RASSF3: variants seen among roughly 807,000 people sequenced by gnomAD.
RASSF3 encodes the protein Ras association domain family member 3, also known as ras association domain-containing protein 3.
In RASSF3, 19 loss-of-function variants were observed where a neutral mutation model predicts 19.9. The ratio of observed to expected loss-of-function variants is 0.96; its 90% CI spans 0.67 to 1.40. The LOEUF is 1.40. Ranked by LOEUF, RASSF3 falls within the 40% of genes most tolerant of loss-of-function variation. The pLI is 0.00. For synonymous variants in RASSF3, 110 were observed against 104.2 expected, an observed-to-expected ratio of 1.06 and a Z score of -0.34; for missense variants, 306 against 289.8, an observed-to-expected ratio of 1.06 and a Z score of -0.41.
At chr12:64,571,537 T>TA (rs1432076153) in intron 2 of RASSF3, among the ~76,000 whole-genome samples, 1 of 152,186 alleles carries the variant, frequency 6.6e-6, no homozygotes, top group East Asian at 1.9e-4. Flanking sequence ...TCAGCACACA[T>TA]AAGCTTCCTG....
At chr12:64,510,178 C>T (rs1868320451) in intron 1 of RASSF3, among the ~76,000 whole-genome samples, 1 of 152,076 alleles carries the variant, frequency 6.6e-6, no homozygotes, top group African/African-American at 2.4e-5. Flanking sequence ...ATATCCCCTC[C>T]AGAGCAAGAA....
chr12:64,636,594 G>A (rs1397662725), intron 1 of RASSF3, among the ~76,000 whole-genome samples: 2 of 151,966 alleles, frequency 1.3e-5, no homozygotes, highest in Non-Finnish European at 2.9e-5. Flanking sequence ...AGCCGGGCGC[G>A]GTGGCTCACG....
intron 2 of RASSF3, among the ~76,000 whole-genome samples, chr12:64,583,975 T>C (rs1040995254): frequency 6.6e-6 from 1 of 152,240 alleles, no homozygotes; most frequent in African/African-American, 2.4e-5. Flanking sequence ...GCACAGCTCT[T>C]ACCCAGAAAT....
At chr12:64,517,828 A>G (rs1868394619) in intron 1 of RASSF3, among the ~76,000 whole-genome samples, 1 of 152,072 alleles carries the variant, frequency 6.6e-6, no homozygotes, top group Non-Finnish European at 1.5e-5. Context: ...TATGTTGCCC[A>G]GGCTGGTCTT....
intron 1 of RASSF3, among the ~76,000 whole-genome samples, chr12:64,653,222 A>G (rs1452277841): frequency 1.3e-5 from 2 of 152,114 alleles, no homozygotes; most frequent in Admixed American, 1.3e-4. Context: ...GGCATGTGCC[A>G]CCAGGCCTTG....
chr12:64,529,247 T>G (rs996885565), upstream of RASSF3, among the ~76,000 whole-genome samples: 3 of 152,194 alleles, frequency 2.0e-5, no homozygotes, highest in Non-Finnish European at 4.4e-5. Flanking sequence ...TTTCCAAAAG[T>G]CAAGTCTTCA....
chr12:64,573,950 T>C (rs956872824), intron 2 of RASSF3, among the ~76,000 whole-genome samples: 28 of 152,192 alleles, frequency 1.8e-4, no homozygotes, highest in African/African-American at 6.0e-4. Flanking sequence ...AAAATCAATC[T>C]ATGTAATGTG....
At chr12:64,579,844 C>T (rs527380393) in intron 2 of RASSF3, among the ~76,000 whole-genome samples, 2 of 143,310 alleles carry the variant, frequency 1.4e-5, no homozygotes, top group South Asian at 2.2e-4. Flanking sequence ...GAGTATCGCT[C>T]TGTTGCCCAG....
intron 1 of RASSF3, among the ~76,000 whole-genome samples, chr12:64,670,718 C>A (rs922264917): frequency 1.6e-4 from 24 of 152,144 alleles, no homozygotes; most frequent in African/African-American, 5.6e-4. Context: ...ATTACTAATT[C>A]CCTACTAAGT....
At chr12:64,567,511 C>T (rs140486996) in intron 2 of RASSF3, among the ~76,000 whole-genome samples, 1 of 152,234 alleles carries the variant, frequency 6.6e-6, no homozygotes, top group East Asian at 1.9e-4. Context: ...CCTGCACAAT[C>T]GTTATTCTCT....
intron 2 of RASSF3, among the ~76,000 whole-genome samples, chr12:64,581,494 G>C (rs34576475): frequency 0.045 from 6,882 of 152,186 alleles, 218 homozygotes; most frequent in East Asian, 0.066. Flanking sequence ...CAGCTCACTT[G>C]AGCCAGGAGT....
intron 1 of RASSF3, among the ~76,000 whole-genome samples, chr12:64,518,859 G>A (rs1393031109): frequency 6.6e-6 from 1 of 152,162 alleles, no homozygotes; most frequent in African/African-American, 2.4e-5. Flanking sequence ...TTCAAAGAGA[G>A]ATATTCAAAG....
intron 2 of RASSF3, among the ~76,000 whole-genome samples, chr12:64,588,109 C>T (rs766548307): frequency 4.6e-5 from 7 of 152,050 alleles, no homozygotes; most frequent in Non-Finnish European, 8.8e-5. Flanking sequence ...GAGACATGGT[C>T]TCTGTCACCC....
intron 2 of RASSF3, among the ~76,000 whole-genome samples, chr12:64,591,699 T>A (rs1869927153): frequency 6.6e-6 from 1 of 152,164 alleles, no homozygotes; most frequent in Non-Finnish European, 1.5e-5. Context: ...ATTCAGTAGG[T>A]TCATTTATTT....
chr12:64,675,446 G>A (rs772511728), intron 1 of RASSF3, among the ~76,000 whole-genome samples: 4 of 151,966 alleles, frequency 2.6e-5, no homozygotes, highest in Admixed American at 1.3e-4. Flanking sequence ...CACTGTGCCC[G>A]GCCTGGTTTC....
chr12:64,570,860 G>A (rs757502815), intron 2 of RASSF3, among the ~76,000 whole-genome samples: 67 of 152,168 alleles, frequency 4.4e-4, no homozygotes, highest in Middle Eastern at 6.3e-3. Flanking sequence ...TCCAGAGGAC[G>A]AACTGGAGAC....
chr12:64,656,735 G>A (rs1391596613), intron 1 of RASSF3, among the ~76,000 whole-genome samples: 4 of 152,204 alleles, frequency 2.6e-5, no homozygotes, highest in East Asian at 1.9e-4. Context: ...GGGCCTGCCC[G>A]TCTGATGGAA....
intron 1 of RASSF3, among the ~76,000 whole-genome samples, chr12:64,678,426 C>T (rs1050898638): frequency 1.3e-5 from 2 of 152,144 alleles, no homozygotes; most frequent in Non-Finnish European, 2.9e-5. Flanking sequence ...ACAGGCTGGA[C>T]CCCACACCTG....
chr12:64,662,677 G>T (rs556180260), intron 1 of RASSF3, among the ~76,000 whole-genome samples: 1 of 152,328 alleles, frequency 6.6e-6, no homozygotes, highest in East Asian at 1.9e-4. Context: ...TATGTGTGTT[G>T]AGAAGGAATA....
Sources: gnomAD v4.1 joint callset for allele counts (sites outside exome capture counted in the v4.1 genomes callset) on GRCh38, gnomAD v4.1.1 for gene constraint, MANE v1.5 for transcripts, NCBI Gene and HGNC (gene_info 2026-07-23, HGNC 2026-07-21) for gene names.